Variants in MDN1 observed in about 807,000 individuals in gnomAD.
The protein encoded by MDN1 is midasin AAA ATPase 1.
In MDN1, 266 loss-of-function variants were observed where a neutral mutation model predicts 669.2. The ratio of observed to expected loss-of-function variants is 0.40; its 90% CI spans 0.36 to 0.44. The LOEUF is 0.44. Ranked by LOEUF, MDN1 falls within the 20% of genes least tolerant of loss-of-function variation. The pLI is 1.00. For synonymous variants in MDN1, 2,385 were observed against 2,457.1 expected, an observed-to-expected ratio of 0.97 and a Z score of 0.87; for missense variants, 5,940 against 6,754.0, an observed-to-expected ratio of 0.88 and a Z score of 4.22.
chr6:89,673,986 C>T (rs1811011332), intron 79 of MDN1, 118 bp downstream of exon 79: 1 of 1,025,004 alleles, frequency 9.8e-7, no homozygotes, highest in Non-Finnish European at 1.3e-6. Flanking sequence ...CCCTAGGTTC[C>T]AGGGCTGTCT....
At chr6:89,780,040 T>C (rs1205139588) in intron 11 of MDN1, among the ~76,000 whole-genome samples, 172 bp downstream of exon 11, 1 of 151,502 alleles carries the variant, frequency 6.6e-6, no homozygotes, top group Non-Finnish European at 1.5e-5. Context: ...CACTCCAGCC[T>C]TGGGGACAAG....
chr6:89,787,944 A>T lies in MDN1; in HGVS notation c.1244T>A (p.Ile415Asn). 2 of 1,613,128 alleles carry T rather than the reference A, an allele frequency of 1.2e-6. No homozygotes were observed. The highest frequency in any genetic ancestry group is 1.7e-6 in the Non-Finnish European group (2 of 1,179,838). Residue 415 changes from isoleucine (I) to asparagine (N), a missense_variant, in exon 8 of 102, where the codon ATC (isoleucine) becomes AAC (asparagine). By Grantham distance (149) the Ile-to-Asn change is moderately radical (BLOSUM62 -3). Around this residue, in one of 5 missense-constraint regions of MDN1, gnomAD observed 1,203 missense variants for 1,268.9 expected, o/e 0.95. Transcript: ENST00000369393. ...GAGCTCTCCATTCTCCAAGAGAGGG[A>T]TCAGCACAGAAACCTAAATCAGATA... ...YAPLDVVSVL[I>N]PLLENGELLI...
chr6:89,707,309 C>T lies in MDN1; in HGVS notation c.8014+52G>A, dbSNP rs1813577746. On this transcript the variant is annotated intron_variant, in intron 52 of 101. Transcript: ENST00000369393. ...TGAATATGCCTCTCAACTTTAGCAA[C>T]ATTATGCAATCAGATGCTTAATTAG... 4.6e-6 allele frequency: 6 copies of T among 1,303,050 alleles called. No individual in the cohort carries two copies. In the Admixed American group the frequency reaches 5.1e-5, roughly 11 times the overall value. 80.7% of individuals were successfully genotyped at this position (1,303,050 alleles called of 1,614,324 possible).
chr6:89,673,380 T>C lies in MDN1; in HGVS notation c.13330A>G (p.Ile4444Val). Reference sequence around the variant, plus strand: ...TGCTCAACCTCCATCCCTGGAAGAATGAACAAGGACTCTAGGCCCTGCAAA... The same window carrying C: ...TGCTCAACCTCCATCCCTGGAAGAACGAACAAGGACTCTAGGCCCTGCAAA... ...VHLQGLESLF[I>V]LPGMEVEQRD... is the part of the protein sequence containing the mutation. Residue 4444 changes from isoleucine to valine, a missense_variant, in exon 80 of 102, where the codon ATT (isoleucine) becomes GTT (valine). Around this residue, in one of 5 missense-constraint regions of MDN1, gnomAD observed 2,280 missense variants for 2,576.3 expected, o/e 0.88. Transcript: ENST00000369393. 1 of 1,614,180 alleles carries C rather than the reference T, an allele frequency of 6.2e-7. No homozygotes were observed. The highest frequency in any genetic ancestry group is 8.5e-7 in the Non-Finnish European group (1 of 1,180,028).
intron 77 of MDN1, 91 bp from the exon 78 acceptor site, chr6:89,675,670 C>T: frequency 9.9e-7 from 1 of 1,008,834 alleles, no homozygotes; most frequent in Non-Finnish European, 1.5e-6. Flanking sequence ...CTATAAGCGT[C>T]AGACATGCCA....
intron 85 of MDN1, among the ~76,000 whole-genome samples, chr6:89,663,423 GGTCATATCCTA>G (rs1809949197): frequency 6.6e-6 from 1 of 152,102 alleles, no homozygotes; most frequent in African/African-American, 2.4e-5. Flanking sequence ...CTTTGCAAAA[GGTCATATCCTA>G]TGTGCCTTAG....
In MDN1 at chr6:89,772,662, A is replaced by G. The variant is rs1397189460; in HGVS notation, c.1994T>C (p.Val665Ala). The change falls in exon 14 of 102, where the codon GTG becomes GCG. Residue 665 changes from valine (V) to alanine (A), a missense_variant. Transcript: ENST00000369393. ...CACAGGCTCCCCTTTGCTGACACACACTGCAAGCTGCTCGATGAGAACAGA... is the reference window on the plus strand; with the variant it reads ...CACAGGCTCCCCTTTGCTGACACACGCTGCAAGCTGCTCGATGAGAACAGA... ...PSSVLIEQLA[V>A]CVSKGEPVLL... is the part of the protein sequence containing the mutation. The G allele has an allele frequency of 6.2e-7, 1 of 1,614,018 alleles. No homozygotes were observed. The highest frequency in any genetic ancestry group is 8.5e-7 in the Non-Finnish European group (1 of 1,180,008).
At chr6:89,732,487 C>T in intron 34 of MDN1, 70 bp downstream of exon 34, 1 of 1,359,010 alleles carries the variant, frequency 7.4e-7, no homozygotes, top group South Asian at 1.3e-5. Flanking sequence ...GGTCAGAGGC[C>T]TGGGCTTGCT....
Position 89,745,127 on chromosome 6 carries a change from CTCT to C in MDN1, c.4178+143_4178+145del, listed in dbSNP as rs1460233146. On this transcript the variant is annotated intron_variant, in intron 29 of 101. Transcript: ENST00000369393. ...CCCCAGCCCCCGACCCACTCTTAGT[CTCT>C]TCTTAAAAAAAAAAAAAAAAAAGAA... is the stretch of plus-strand genomic sequence containing the variant. The C allele has an allele frequency of 2.8e-5, 13 of 466,228 alleles. No individual in the cohort carries two copies. In the East Asian group the frequency reaches 6.0e-4, roughly 22 times the overall value. The allele number at this position is 466,228 out of a possible 1,614,324, so 28.9% of individuals were successfully genotyped here. A position where few individuals can be genotyped will look rare whatever the true frequency, so the allele number is the denominator to read the frequency against.
chr6:89,700,908 C>T (rs762014125), intron 55 of MDN1, 52 bp from the exon 56 acceptor site: 1 of 1,454,254 alleles, frequency 6.9e-7, no homozygotes, highest in Non-Finnish European at 9.5e-7. Flanking sequence ...ATGTGGTTTT[C>T]TTTAGTAGCC....
chr6:89,659,664 C>CA (rs1319860273), intron 88 of MDN1, among the ~76,000 whole-genome samples: 3 of 151,662 alleles, frequency 2.0e-5, no homozygotes, highest in Admixed American at 2.0e-4. Flanking sequence ...AACAAACAAA[C>CA]AAAAAAACAC....
intron 26 of MDN1, among the ~76,000 whole-genome samples, chr6:89,748,737 A>C (rs183086035): frequency 6.6e-6 from 1 of 152,146 alleles, no homozygotes; most frequent in Non-Finnish European, 1.5e-5. Context: ...AAAACTAAAA[A>C]TATATATTAT....
At position 89,794,159 on chromosome 6, in the gene MDN1, G is replaced by A. The variant is rs777883918; in HGVS notation, c.603C>T (p.His201=). 14 of 1,603,498 alleles carry A rather than the reference G, an allele frequency of 8.7e-6. No homozygotes were observed. Among genetic ancestry groups the A allele is most frequent in the Non-Finnish European group, 1.1e-5 (13 of 1,177,034 alleles). Residue 201 remains histidine, a synonymous_variant, in exon 4 of 102, where the codon CAC becomes CAT. Transcript: ENST00000369393. ...LALVTCMNEE[H]KLSFLKKIFN... ...ATATCTTCTTAAGAAATGATAACTT[G>A]TGCTCTTCATTCATACAGGTAACCA...
Position 89,747,579 on chromosome 6 carries a change from A to C in MDN1, c.3763-109T>G, listed in dbSNP as rs552988929. The stretch of plus-strand genomic sequence containing the variant: ...ACAAATTTATGCTCCCATTTAAATG[A>C]TTTCATTCCACTGAATAAGATTAAT... On this transcript the variant is annotated intron_variant, in intron 26 of 101. Coordinates refer to ENST00000369393, the MANE Select transcript of MDN1 (RefSeq NM_014611.3). 5.3e-5 allele frequency: 65 copies of C among 1,221,346 alleles called. No individual in the cohort carries two copies. In the African/African-American group the frequency reaches 8.9e-4, roughly 17 times the overall value. 75.7% of individuals were successfully genotyped at this position (1,221,346 alleles called of 1,614,324 possible).
Position 89,708,631 on chromosome 6 carries a change from A to G in MDN1, c.7766-3T>C. On this transcript the variant is annotated splice_region_variant and splice_polypyrimidine_tract_variant and intron_variant, in intron 50 of 101. Transcript: ENST00000369393. ...ATCCAGAGGGATCACAAATTCATCTAGTTTAAAAACAGAACAAAACAAAAA... is the reference window on the plus strand; with the variant it reads ...ATCCAGAGGGATCACAAATTCATCTGGTTTAAAAACAGAACAAAACAAAAA... 1 of 1,612,758 alleles carries G rather than the reference A, an allele frequency of 6.2e-7. No individual in the cohort carries two copies.
chr6:89,654,139 G>A (rs780723519), intron 93 of MDN1, 25 bp downstream of exon 93: 1 of 1,613,392 alleles, frequency 6.2e-7, no homozygotes, highest in Admixed American at 1.7e-5. Context: ...CGCCTGGGAA[G>A]GGTTTGTTCA....
chr6:89,646,467 CT>C (rs1262115497), intron 100 of MDN1, 72 bp downstream of exon 100: 47 of 1,307,294 alleles, frequency 3.6e-5, no homozygotes, highest in Non-Finnish European at 4.8e-5. Context: ...GGACACTGAG[CT>C]GAAGCAAGCA....
rs1384140730 is a variant in MDN1, at chr6:89,696,434, C to T, written c.9309G>A (p.Glu3103=). The change falls in exon 60 of 102, where the codon GAG becomes GAA. Residue 3103 remains glutamate (E), a synonymous_variant. Coordinates refer to ENST00000369393, the MANE Select transcript of MDN1 (RefSeq NM_014611.3). ...SSHVTLGEWV[E]RTQQLQDISS... is the part of the protein sequence containing the mutation. ...TGATGTCCTGGAGCTGCTGAGTTCT[C>T]TCAACCCACTCTCCTAGGGTCACGT... 1.7e-5 allele frequency: 28 copies of T among 1,614,066 alleles called. No homozygotes were observed. Among genetic ancestry groups the T allele is most frequent in the Non-Finnish European group, 2.3e-5 (27 of 1,180,040 alleles).
chr6:89,779,606 T>C (rs1433097285), intron 11 of MDN1, among the ~76,000 whole-genome samples: 1 of 152,234 alleles, frequency 6.6e-6, no homozygotes, highest in Non-Finnish European at 1.5e-5. Context: ...TGCTTTATTA[T>C]TACCCGGGAG....
Sources: allele counts gnomAD v4.1 joint callset (sites outside exome capture counted in the v4.1 genomes callset), GRCh38; gene constraint gnomAD v4.1.1; regional missense constraint gnomAD v4.1.1; transcripts MANE v1.5; gene names NCBI Gene and HGNC (gene_info 2026-07-23, HGNC 2026-07-21).